Variants in ZNF124 observed in about 807,000 individuals in gnomAD.
ZNF124 encodes zinc finger protein 124, also known as zinc finger protein HZF-16.
In ZNF124, 25 loss-of-function variants were observed where a neutral mutation model predicts 26.6. That is an observed-to-expected ratio of 0.94 (90% CI 0.68 to 1.31). The LOEUF (loss-of-function observed/expected upper bound fraction) is 1.31. Among genes scored for constraint, ZNF124 ranks in the 40% most tolerant of loss-of-function variants. The pLI, the probability that ZNF124 is intolerant of heterozygous loss-of-function variation, is 0.00. For missense variants in ZNF124, 444 were observed against 422.2 expected (o/e 1.05, Z -0.45); for synonymous variants, 129 against 133.3 (o/e 0.97, Z 0.22).
chr1:247,138,531 A>C (rs1455273570), intron 3 of ZNF124: 6 of 368,920 alleles, frequency 1.6e-5, no homozygotes, highest in Non-Finnish European at 4.8e-6. Flanking sequence ...CCACCGCGGC[A>C]CATGTATACC....
At position 247,157,148 on chromosome 1, in the gene ZNF124, G is replaced by C; in HGVS notation, c.474C>G (p.Ala158=). The change falls in exon 4 of 4, where the codon GCC becomes GCG. Residue 158 remains alanine (A), a synonymous_variant. Transcript: ENST00000543802. The stretch of plus-strand genomic sequence containing the variant: ...TATTAAGAGAACGGGAAAAACCTAA[G>C]GCTTTCCCACATTCCATACATTCAT... ...KPYECMECGK[A]LGFSRSLNRH... 1.2e-6 allele frequency: 2 copies of C among 1,614,008 alleles called. No homozygotes were observed. Among genetic ancestry groups the C allele is most frequent in the Non-Finnish European group, 1.7e-6 (2 of 1,179,984 alleles).
chr1:247,144,982 G>T (rs888909863), intron 3 of ZNF124, among the ~76,000 whole-genome samples: 3 of 152,122 alleles, frequency 2.0e-5, no homozygotes, highest in Non-Finnish European at 4.4e-5. Context: ...CACCATATTG[G>T]CCAGGCCGGT....
At chr1:247,128,678 A>C (rs1196086695) in intron 3 of ZNF124, among the ~76,000 whole-genome samples, 1 of 150,476 alleles carries the variant, frequency 6.6e-6, no homozygotes, top group Non-Finnish European at 1.5e-5. Flanking sequence ...CTGGTCAGGC[A>C]GTCGGATACT....
intron 3 of ZNF124, among the ~76,000 whole-genome samples, chr1:247,130,348 G>C (rs1396482033): frequency 6.6e-6 from 1 of 152,178 alleles, no homozygotes; most frequent in Non-Finnish European, 1.5e-5. Context: ...CCAGGGCTTA[G>C]CTTTGGGAAT....
intron 3 of ZNF124, chr1:247,149,753 A>G (rs1272973906): frequency 6.6e-6 from 1 of 152,252 alleles, no homozygotes; most frequent in Non-Finnish European, 1.5e-5. Flanking sequence ...CTGGCATTCT[A>G]ATGTACAGCA....
At position 247,156,774 on chromosome 1, in the gene ZNF124, G is replaced by C. The variant is rs1465258400; in HGVS notation, c.848C>G (p.Thr283Ser). 1 of 1,613,246 alleles carries C rather than the reference G, an allele frequency of 6.2e-7. No homozygotes were observed. The highest frequency in any genetic ancestry group is 2.2e-5 in the East Asian group (1 of 44,864). The change falls in exon 4 of 4, where the codon ACT (threonine) becomes AGT (serine). Residue 283 changes from threonine to serine, a missense_variant. Physicochemically the swap from Thr to Ser is moderately conservative, Grantham distance 58 (BLOSUM62 1). Transcript: ENST00000543802. Reference sequence around the variant, plus strand: ...TACATAGGGTTTCTGTGCAATATGAGTTTTCTCGTGTTTCTGAAGGGAACT... The same window carrying C: ...TACATAGGGTTTCTGTGCAATATGACTTTTCTCGTGTTTCTGAAGGGAACT... ...YASSLQKHEK[T>S]HIAQKPYVCN...
chr1:247,159,864 A>T (rs1363226128), intron 1 of ZNF124, 51 bp from the exon 2 acceptor site: 1 of 1,567,834 alleles, frequency 6.4e-7, no homozygotes, highest in African/African-American at 1.4e-5. Flanking sequence ...AAAGCACTGG[A>T]AATCTGTAGT....
chr1:247,166,104 A>G (rs2103134656), intron 1 of ZNF124, among the ~76,000 whole-genome samples: 1 of 152,332 alleles, frequency 6.6e-6, no homozygotes, highest in Admixed American at 6.5e-5. Context: ...GCTTGAGCCC[A>G]GGAGGCAGAG....
chr1:247,131,144 TAGA>T (rs925877819), intron 3 of ZNF124, among the ~76,000 whole-genome samples: 2 of 152,088 alleles, frequency 1.3e-5, no homozygotes, highest in Non-Finnish European at 2.9e-5. Flanking sequence ...CAAAATTGAC[TAGA>T]AGGATGGTGT....
intron 1 of ZNF124, among the ~76,000 whole-genome samples, chr1:247,164,974 T>C (rs1292668215): frequency 6.6e-6 from 1 of 151,980 alleles, no homozygotes; most frequent in African/African-American, 2.4e-5. Context: ...TCTGATTTTT[T>C]TTTTTTTCTT....
intron 1 of ZNF124, among the ~76,000 whole-genome samples, chr1:247,161,346 G>A (rs916171006): frequency 3.3e-5 from 5 of 152,076 alleles, no homozygotes; most frequent in African/African-American, 1.2e-4. Flanking sequence ...TTTAAACATG[G>A]AACAAAGCTA....
At chr1:247,124,519 G>T (rs1672161102) in intron 3 of ZNF124, among the ~76,000 whole-genome samples, 1 of 151,788 alleles carries the variant, frequency 6.6e-6, no homozygotes, top group Admixed American at 6.6e-5. Context: ...GTGGCTTTTA[G>T]TACATCCACA....
chr1:247,133,578 C>CT (rs896070346), intron 3 of ZNF124, among the ~76,000 whole-genome samples: 1 of 151,860 alleles, frequency 6.6e-6, no homozygotes, highest in Non-Finnish European at 1.5e-5. Flanking sequence ...GCCCATCAGA[C>CT]TAACGGTAGA....
intron 3 of ZNF124, among the ~76,000 whole-genome samples, chr1:247,130,080 C>A (rs993386479): frequency 2.6e-5 from 4 of 152,136 alleles, no homozygotes; most frequent in Non-Finnish European, 5.9e-5. Context: ...AGTACTGCTA[C>A]TCGTTTGTCA....
At chr1:247,157,455 T>C (rs1394414380) in intron 3 of ZNF124, 52 bp from the exon 4 acceptor site, 2 of 1,519,616 alleles carry the variant, frequency 1.3e-6, no homozygotes, top group African/African-American at 1.4e-5. Flanking sequence ...AATGCATTCA[T>C]GTGGTTTTAC....
Position 247,155,020 on chromosome 1 carries a change from C to A in ZNF124, c.*1546G>T, listed in dbSNP as rs1171532814. Among the ~76,000 whole-genome samples the A allele has an allele frequency of 6.6e-6, 1 of 152,160 alleles. No individual in the cohort carries two copies. Among genetic ancestry groups the A allele is most frequent in the Admixed American group, 6.5e-5 (1 of 15,288 alleles). On this transcript the variant is annotated 3_prime_UTR_variant, in exon 4 of 4. Coordinates refer to ENST00000543802, the MANE Select transcript of ZNF124 (RefSeq NM_001297568.2). Reference sequence around the variant, plus strand: ...TGCTTTAAGGAATTTATTTTAAAAACCCTCAGCTAACATCATACATGATGA... The same window carrying A: ...TGCTTTAAGGAATTTATTTTAAAAAACCTCAGCTAACATCATACATGATGA...
At chr1:247,166,072 G>C (rs529544771) in intron 1 of ZNF124, among the ~76,000 whole-genome samples, 1 of 152,272 alleles carries the variant, frequency 6.6e-6, no homozygotes, top group African/African-American at 2.4e-5. Context: ...CCAGCTACTC[G>C]TGAGGCTGAG....
At chr1:247,132,476 C>G (rs2067086) in intron 3 of ZNF124, among the ~76,000 whole-genome samples, 11,990 of 152,172 alleles carry the variant, frequency 0.079, 789 homozygotes, top group African/African-American at 0.17. Context: ...CAGAAGATGG[C>G]TAATAAAAAA....
At chr1:247,135,645 T>C (rs544316594) in intron 3 of ZNF124, among the ~76,000 whole-genome samples, 7 of 152,140 alleles carry the variant, frequency 4.6e-5, no homozygotes, top group African/African-American at 1.7e-4. Flanking sequence ...TTCCAAACAA[T>C]TGAAAAGGAA....
Sources: allele counts gnomAD v4.1 joint callset (sites outside exome capture counted in the v4.1 genomes callset), GRCh38; gene constraint gnomAD v4.1.1; transcripts MANE v1.5; gene names NCBI Gene and HGNC (gene_info 2026-07-23, HGNC 2026-07-21).